NTM: variants seen among roughly 807,000 people sequenced by gnomAD.
NTM encodes neurotrimin.
Under a neutral mutation model 42.1 loss-of-function variants are expected in NTM, and 13 were observed. That is an observed-to-expected ratio of 0.31 (90% CI 0.20 to 0.49). NTM has a LOEUF of 0.49. Among genes scored for constraint, NTM ranks in the 20% least tolerant of loss-of-function variants. The pLI, the probability that NTM is intolerant of heterozygous loss-of-function variation, is 0.99. For synonymous variants in NTM, 187 were observed against 179.2 expected, an observed-to-expected ratio of 1.04 and a Z score of -0.35; for missense variants, 373 against 452.8, an observed-to-expected ratio of 0.82 and a Z score of 1.60.
At chr11:131,527,008 G>T (rs1399334589) in intron 1 of NTM, among the ~76,000 whole-genome samples, 4 of 152,224 alleles carry the variant, frequency 2.6e-5, no homozygotes, top group Non-Finnish European at 5.9e-5. Context: ...GAGCAGTTTA[G>T]TTGGTGATTT....
At chr11:131,786,021 A>G (rs2089137094) in intron 1 of NTM, among the ~76,000 whole-genome samples, 1 of 152,180 alleles carries the variant, frequency 6.6e-6, no homozygotes, top group Admixed American at 6.5e-5. Flanking sequence ...TTGAGGAGAC[A>G]GACAGAAGGC....
chr11:132,258,555 A>G (rs888670833), intron 4 of NTM, among the ~76,000 whole-genome samples: 2 of 152,134 alleles, frequency 1.3e-5, no homozygotes, highest in Non-Finnish European at 2.9e-5. Context: ...GTGCTTTGCC[A>G]TAGTGATTTT....
At chr11:131,516,839 A>G (rs1258543774) in intron 1 of NTM, among the ~76,000 whole-genome samples, 1 of 152,222 alleles carries the variant, frequency 6.6e-6, no homozygotes, top group Non-Finnish European at 1.5e-5. Flanking sequence ...TCTCATCCTT[A>G]GTGGTAACGA....
chr11:131,725,942 G>A (rs140297959), intron 1 of NTM, among the ~76,000 whole-genome samples: 10 of 152,298 alleles, frequency 6.6e-5, no homozygotes, highest in African/African-American at 1.9e-4. Context: ...GGGAATGTGC[G>A]TTACTAACCA....
Position 131,481,502 on chromosome 11 carries a change from G to C in NTM, c.82+110614G>C, listed in dbSNP as rs1312047915. The stretch of plus-strand genomic sequence containing the variant: ...AGAACTTCAGATGTGGTTAATGTCA[G>C]GGCAGTGTCTGATGTGGCCAGCAAT... On this transcript the variant is annotated intron_variant, in intron 1 of 8. Coordinates refer to ENST00000683400, the MANE Select transcript of NTM (RefSeq NM_001352005.2). Among the ~76,000 whole-genome samples the C allele has an allele frequency of 2.0e-5, 3 of 152,236 alleles. No individual in the cohort carries two copies. In the East Asian group the frequency reaches 5.8e-4, roughly 29 times the overall value.
rs1201272070 is a variant in NTM at position 131,569,707 on chromosome 11, G to T, written c.82+198819G>T. ...ATCTTCCCTCCTCAGCCACCTGAGA[G>T]CTGGGACTACAGGTGCCCACCACTA... On this transcript the variant is annotated intron_variant, in intron 1 of 8. Transcript: ENST00000683400. 3.3e-5 allele frequency among the ~76,000 whole-genome samples: 5 copies of T among 151,544 alleles called. 1 individual carries two copies. Among genetic ancestry groups the T allele is most frequent in the Middle Eastern group, 6.9e-3 (2 of 290 alleles).
At chr11:131,818,162 A>G (rs756224803) in intron 1 of NTM, among the ~76,000 whole-genome samples, 11 of 152,246 alleles carry the variant, frequency 7.2e-5, no homozygotes, top group South Asian at 6.2e-4. Flanking sequence ...GCTGCAGTGC[A>G]TCCTTTACAG....
chr11:131,511,717 G>C (rs959057378), intron 1 of NTM, among the ~76,000 whole-genome samples: 7 of 152,326 alleles, frequency 4.6e-5, no homozygotes, highest in Admixed American at 2.6e-4. Flanking sequence ...GCACCTGGCA[G>C]CTGCGTCCTC....
At chr11:132,020,608 G>A (rs1201347767) in intron 2 of NTM, among the ~76,000 whole-genome samples, 1 of 150,030 alleles carries the variant, frequency 6.7e-6, no homozygotes, top group African/African-American at 2.5e-5. Context: ...TGTGGAAAAT[G>A]TCTGAATTTA....
At chr11:131,951,655 CT>C (rs1451118004) in intron 2 of NTM, among the ~76,000 whole-genome samples, 9 of 152,030 alleles carry the variant, frequency 5.9e-5, no homozygotes, top group African/African-American at 2.2e-4. Context: ...AACCCCGTTT[CT>C]ACTAAAAATA....
intron 1 of NTM, among the ~76,000 whole-genome samples, chr11:131,901,252 T>A (rs1487537214): frequency 2.0e-5 from 3 of 152,244 alleles, no homozygotes; most frequent in Non-Finnish European, 4.4e-5. Context: ...AACTTGGACA[T>A]AAAGTCAAAG....
chr11:131,428,058 CT>C (rs1183944883), intron 1 of NTM, among the ~76,000 whole-genome samples: 1 of 152,200 alleles, frequency 6.6e-6, no homozygotes, highest in Admixed American at 6.5e-5. Flanking sequence ...GATCTCTCCC[CT>C]GGGATCGAGG....
At chr11:131,503,792 G>A (rs564434627) in intron 1 of NTM, among the ~76,000 whole-genome samples, 16 of 152,164 alleles carry the variant, frequency 1.1e-4, no homozygotes, top group African/African-American at 3.9e-4. Context: ...CTACAGGTGC[G>A]AGCCACCACG....
rs186698102 is a variant in NTM, at chr11:131,903,757, G to A, written c.83-7807G>A. On this transcript the variant is annotated intron_variant, in intron 1 of 8. Coordinates refer to ENST00000683400, the MANE Select transcript of NTM (RefSeq NM_001352005.2). The stretch of plus-strand genomic sequence containing the variant: ...TCATTTAGAAGGCAAGAGGAAGAGA[G>A]CAGAGCTATTCCAGTGAGCTGGTAA... 2.2e-4 allele frequency among the ~76,000 whole-genome samples: 34 copies of A among 152,316 alleles called. 1 individual carries two copies. Among genetic ancestry groups the A allele is most frequent in the Admixed American group, 2.0e-3 (30 of 15,298 alleles).
chr11:131,695,007 G>T (rs2075269458), intron 1 of NTM, among the ~76,000 whole-genome samples: 1 of 152,184 alleles, frequency 6.6e-6, no homozygotes. Context: ...TGCCACCAGA[G>T]GGCAGTGTTG....
chr11:131,734,264 T>C (rs1474040114), intron 1 of NTM, among the ~76,000 whole-genome samples: 1 of 152,158 alleles, frequency 6.6e-6, no homozygotes, highest in African/African-American at 2.4e-5. Flanking sequence ...ACGAACCTGG[T>C]TTTGGAGTGG....
At chr11:131,478,577 C>T (rs1162575829) in intron 1 of NTM, among the ~76,000 whole-genome samples, 1 of 152,098 alleles carries the variant, frequency 6.6e-6, no homozygotes, top group African/African-American at 2.4e-5. Flanking sequence ...AACACCATTG[C>T]TAAATGAATG....
chr11:132,321,903 C>G (rs1218045580), intron 7 of NTM, among the ~76,000 whole-genome samples: 4 of 148,484 alleles, frequency 2.7e-5, no homozygotes, highest in African/African-American at 1.0e-4. Flanking sequence ...AATTTTCAAC[C>G]CAGAATTTCA....
intron 2 of NTM, among the ~76,000 whole-genome samples, chr11:132,129,401 C>T (rs2066430457): frequency 6.6e-6 from 1 of 152,172 alleles, no homozygotes; most frequent in African/African-American, 2.4e-5. Context: ...GCAAACAGAT[C>T]CCAGGAGCCC....
Sources: gnomAD v4.1 joint callset for allele counts (sites outside exome capture counted in the v4.1 genomes callset) on GRCh38, gnomAD v4.1.1 for gene constraint, MANE v1.5 for transcripts, NCBI Gene and HGNC (gene_info 2026-07-23, HGNC 2026-07-21) for gene names.